CCDC63: variants seen among roughly 807,000 people sequenced by gnomAD.
CCDC63 encodes coiled-coil domain containing 63, also known as coiled-coil domain-containing protein 63.
CCDC63 carries 54 observed loss-of-function variants against 63.6 expected under a neutral mutation model. That is an observed-to-expected ratio of 0.85 (90% confidence interval 0.68 to 1.07). The LOEUF (loss-of-function observed/expected upper bound fraction) is 1.07, where lower values mean the gene tolerates loss of function less well. CCDC63 is among the 50% of genes least tolerant of loss of function. The pLI, the probability that CCDC63 is intolerant of heterozygous loss-of-function variation, is 0.00. For missense variants in CCDC63, 637 were observed against 689.6 expected (o/e 0.92, Z 0.86); for synonymous variants, 253 against 266.1 (o/e 0.95, Z 0.48).
chr12:110,870,228 C>A (rs2071046783), intron 4 of CCDC63, among the ~76,000 whole-genome samples: 2 of 152,028 alleles, frequency 1.3e-5, no homozygotes, highest in Admixed American at 6.6e-5. Flanking sequence ...ATTACAGGCG[C>A]CCACCACCAT....
intron 10 of CCDC63, 121 bp downstream of exon 10, chr12:110,899,246 G>C: frequency 4.9e-6 from 4 of 810,092 alleles, no homozygotes; most frequent in African/African-American, 1.7e-5. Context: ...GGGCACTAAA[G>C]CCAGCCTGCC....
chr12:110,859,388 C>T (rs553066153), intron 4 of CCDC63, among the ~76,000 whole-genome samples: 38 of 151,968 alleles, frequency 2.5e-4, no homozygotes, highest in South Asian at 1.5e-3. Flanking sequence ...CTCACTGCAA[C>T]CTCTGCTTCC....
intron 4 of CCDC63, among the ~76,000 whole-genome samples, chr12:110,864,322 A>T (rs1421356263): frequency 6.6e-6 from 1 of 152,114 alleles, no homozygotes; most frequent in Non-Finnish European, 1.5e-5. Context: ...TCTGAGTCCT[A>T]CACAGTTGCC....
intron 5 of CCDC63, among the ~76,000 whole-genome samples, chr12:110,877,860 A>C (rs35841288): frequency 0.33 from 49,508 of 151,448 alleles, 8,606 homozygotes; most frequent in African/African-American, 0.46. Flanking sequence ...GTGCCCACCA[A>C]CATGCCTGGC....
chr12:110,875,709 T>A (rs190823697), intron 5 of CCDC63, among the ~76,000 whole-genome samples: 4 of 152,228 alleles, frequency 2.6e-5, no homozygotes, highest in African/African-American at 9.7e-5. Flanking sequence ...AATGCTCCTT[T>A]TTATATTTCT....
chr12:110,853,267 T>C, intron 2 of CCDC63, 138 bp from the exon 3 acceptor site: 1 of 840,000 alleles, frequency 1.2e-6, no homozygotes, highest in South Asian at 1.8e-5. Context: ...GACAAGCAGC[T>C]GACATCACCC....
At chr12:110,892,336 G>A (rs1461971564) in intron 8 of CCDC63, among the ~76,000 whole-genome samples, 1 of 152,174 alleles carries the variant, frequency 6.6e-6, no homozygotes, top group Admixed American at 6.5e-5. Context: ...AGCACTTTGG[G>A]AGGCTGAGGC....
rs2071602938 is a variant in CCDC63, at chr12:110,907,341, C to T, written c.1557C>T (p.Pro519=). 1 of 1,613,580 alleles carries T rather than the reference C, an allele frequency of 6.2e-7. No homozygotes were observed. The highest frequency in any genetic ancestry group is 8.5e-7 in the Non-Finnish European group (1 of 1,179,940). The change falls in exon 12 of 12, where the codon CCC becomes CCT. Residue 519 remains proline (P), a synonymous_variant. Transcript: ENST00000308208. The surrounding 1 kb of genome is among the most constrained non-coding windows in gnomAD (Gnocchi z 4.4). ...FSDRLDDVEQ[P]LDHSSLRQLV... is the part of the protein sequence containing the mutation. ...CTGATCTTGGTGCAGTGGAACAGCC[C>T]CTGGACCACAGCAGCCTTCGGCAGC...
chr12:110,894,183 A>C (rs2071390435), intron 9 of CCDC63, among the ~76,000 whole-genome samples: 1 of 145,656 alleles, frequency 6.9e-6, no homozygotes, highest in Admixed American at 6.9e-5. Context: ...TACATTCCAG[A>C]TAGGAAGAAA....
chr12:110,862,010 G>A (rs2070860729), intron 4 of CCDC63, among the ~76,000 whole-genome samples: 1 of 152,104 alleles, frequency 6.6e-6, no homozygotes, highest in Non-Finnish European at 1.5e-5. Context: ...GTCCTAGATT[G>A]TAAGTTCTCA....
intron 5 of CCDC63, among the ~76,000 whole-genome samples, chr12:110,879,062 C>G (rs1845059598): frequency 6.6e-6 from 1 of 152,126 alleles, no homozygotes. Flanking sequence ...GACATTTCAC[C>G]CCTAAATACT....
chr12:110,883,386 T>A (rs1446228943), intron 7 of CCDC63, among the ~76,000 whole-genome samples: 1 of 152,170 alleles, frequency 6.6e-6, no homozygotes, highest in African/African-American at 2.4e-5. Context: ...TTGTCCATGC[T>A]GGTCTTGAAC....
At position 110,851,954 on chromosome 12, in the gene CCDC63, C is replaced by G. The variant is rs543914469; in HGVS notation, c.-96-905C>G. 2.4e-4 allele frequency among the ~76,000 whole-genome samples: 36 copies of G among 152,278 alleles called. No homozygotes were observed. The South Asian group carries it at 3.9e-3, about 17-fold the overall frequency. On this transcript the variant is annotated intron_variant, in intron 1 of 11. Transcript: ENST00000308208. ...AATGAGATCTGATGATTGGCACAAC[C>G]AATGCTTTAAACCATTGCATTGCAG...
chr12:110,856,847 T>TC (rs201062939), intron 3 of CCDC63, among the ~76,000 whole-genome samples: 2 of 144,754 alleles, frequency 1.4e-5, no homozygotes, highest in African/African-American at 5.1e-5. Flanking sequence ...TTCCTTTCTT[T>TC]TTTTTTTTTT....
intron 8 of CCDC63, among the ~76,000 whole-genome samples, chr12:110,885,531 A>G (rs1322653486): frequency 6.6e-6 from 1 of 152,152 alleles, no homozygotes. Context: ...TTGCAGACAC[A>G]GGTCCTGTTA....
intron 10 of CCDC63, among the ~76,000 whole-genome samples, chr12:110,904,083 C>T (rs541487405): frequency 6.6e-6 from 1 of 152,272 alleles, no homozygotes; most frequent in South Asian, 2.1e-4. Context: ...AAGCCAGGCA[C>T]GATGGCTCAC....
At chr12:110,890,211 G>A (rs2071338761) in intron 8 of CCDC63, among the ~76,000 whole-genome samples, 1 of 151,998 alleles carries the variant, frequency 6.6e-6, no homozygotes, top group South Asian at 2.1e-4. Flanking sequence ...GGCTGAAGTG[G>A]GAGGATTGCT....
At chr12:110,847,478 C>T (rs1297106860) in intron 1 of CCDC63, among the ~76,000 whole-genome samples, 8 of 151,400 alleles carry the variant, frequency 5.3e-5, no homozygotes, top group Non-Finnish European at 7.4e-5. Context: ...CGCTTAAGCC[C>T]GGGAAGGTTG....
chr12:110,896,462 G>A (rs2071416829), intron 9 of CCDC63, among the ~76,000 whole-genome samples: 1 of 152,152 alleles, frequency 6.6e-6, no homozygotes, highest in South Asian at 2.1e-4. Flanking sequence ...ATGCCTCAGA[G>A]CCTCAGTTTT....
Sources: gnomAD v4.1 joint callset for allele counts (sites outside exome capture counted in the v4.1 genomes callset) on GRCh38, gnomAD v4.1.1 for gene constraint, Gnocchi (gnomAD v3.1) non-coding constraint, MANE v1.5 for transcripts, NCBI Gene and HGNC (gene_info 2026-07-23, HGNC 2026-07-21) for gene names.